ATP10D: variants seen among roughly 807,000 people sequenced by gnomAD.
The protein encoded by ATP10D is ATPase phospholipid transporting 10D (putative), also known as phospholipid-transporting ATPase VD.
ATP10D carries 89 observed loss-of-function variants against 144.8 expected under a neutral mutation model. The ratio of observed to expected loss-of-function variants is 0.61; its 90% CI spans 0.52 to 0.73. The LOEUF is 0.73. Ranked by LOEUF, ATP10D falls within the 30% of genes least tolerant of loss-of-function variation. ATP10D has a pLI of 0.00. For missense variants in ATP10D, 1,603 were observed against 1,714.8 expected, an observed-to-expected ratio of 0.93 and a Z score of 1.15; for synonymous variants, 571 against 615.1, an observed-to-expected ratio of 0.93 and a Z score of 1.06.
At chr4:47,569,268 C>T in intron 16 of ATP10D, 122 bp downstream of exon 16, 1 of 1,118,164 alleles carries the variant, frequency 8.9e-7, no homozygotes, top group East Asian at 2.6e-5. Context: ...TTCTCTACCA[C>T]ATTCATGCCT....
chr4:47,546,471 T>A (rs1309910575), intron 9 of ATP10D, among the ~76,000 whole-genome samples, 153 bp from the exon 10 acceptor site: 1 of 152,156 alleles, frequency 6.6e-6, no homozygotes. Flanking sequence ...ATAAGGTAAG[T>A]TCATTGACCA....
At chr4:47,542,882 A>G (rs921591229) in intron 9 of ATP10D, among the ~76,000 whole-genome samples, 14 of 152,220 alleles carry the variant, frequency 9.2e-5, no homozygotes, top group Admixed American at 8.5e-4. Context: ...TTTTCCCTAC[A>G]GTAATAGCTG....
intron 3 of ATP10D, among the ~76,000 whole-genome samples, chr4:47,518,366 A>T (rs1339294222): frequency 6.6e-6 from 1 of 152,206 alleles, no homozygotes; most frequent in African/African-American, 2.4e-5. Flanking sequence ...ATAAGCTATT[A>T]TAGAAAACCT....
At chr4:47,522,679 C>T (rs2109409993) in intron 3 of ATP10D, among the ~76,000 whole-genome samples, 1 of 152,292 alleles carries the variant, frequency 6.6e-6, no homozygotes, top group African/African-American at 2.4e-5. Flanking sequence ...AAGCGATTCT[C>T]CCGTCTCAGC....
intron 16 of ATP10D, among the ~76,000 whole-genome samples, chr4:47,571,841 TATC>T (rs1023017011): frequency 1.9e-4 from 29 of 152,178 alleles, no homozygotes; most frequent in African/African-American, 6.8e-4. Context: ...ACAGTGTTGT[TATC>T]ATGTGCGTGG....
chr4:47,511,244 T>C (rs1344476525), intron 1 of ATP10D, among the ~76,000 whole-genome samples: 1 of 152,202 alleles, frequency 6.6e-6, no homozygotes, highest in Non-Finnish European at 1.5e-5. Context: ...GATTTAGTTA[T>C]CTATAAATAA....
At chr4:47,531,838 A>T (rs1055218137) in intron 5 of ATP10D, among the ~76,000 whole-genome samples, 1 of 151,846 alleles carries the variant, frequency 6.6e-6, no homozygotes, top group Non-Finnish European at 1.5e-5. Flanking sequence ...GGGCACGCTG[A>T]CTCCCTGATG....
chr4:47,586,982 C>T (rs375061686), intron 21 of ATP10D, 37 bp from the exon 22 acceptor site: 1 of 1,579,594 alleles, frequency 6.3e-7, no homozygotes, highest in African/African-American at 1.3e-5. Context: ...GTATCAGTGA[C>T]AGAGCATTCA....
chr4:47,535,928 A>G lies in ATP10D; in HGVS notation c.910A>G (p.Asn304Asp). 1 of 1,612,926 alleles carries G rather than the reference A, an allele frequency of 6.2e-7. No individual in the cohort carries two copies. The highest frequency in any genetic ancestry group is 1.3e-5 in the African/African-American group (1 of 74,992). ...CCATGAAACCAAAGCAATGCTGAAC[A>G]ACAGTGGGCCACGGTATAAGCGCAG... ...AGHETKAMLN[N>D]SGPRYKRSKL... The change falls in exon 7 of 23, where the codon AAC becomes GAC. Residue 304 changes from asparagine to aspartate, a missense_variant. Asn to Asp is a conservative substitution (Grantham distance 23). Coordinates refer to ENST00000273859, the MANE Select transcript of ATP10D (RefSeq NM_020453.4).
chr4:47,527,000 A>G (rs567257555), intron 5 of ATP10D, among the ~76,000 whole-genome samples: 1 of 152,268 alleles, frequency 6.6e-6, no homozygotes, highest in East Asian at 1.9e-4. Flanking sequence ...AACTAAAGCA[A>G]TTTTGAAAAA....
chr4:47,516,000 C>T (rs577362393), intron 3 of ATP10D, among the ~76,000 whole-genome samples: 12 of 152,230 alleles, frequency 7.9e-5, no homozygotes, highest in East Asian at 5.8e-4. Flanking sequence ...GAGGCTGAGG[C>T]GGGTGGATCG....
At chr4:47,515,729 A>C (rs1716643808) in intron 3 of ATP10D, 59 bp downstream of exon 3, 1 of 1,375,014 alleles carries the variant, frequency 7.3e-7, no homozygotes, top group African/African-American at 1.4e-5. Context: ...AATATGCAGA[A>C]TGTTACTTTT....
intron 12 of ATP10D, 133 bp downstream of exon 12, chr4:47,558,406 T>C (rs1031828944): frequency 1.6e-6 from 2 of 1,263,538 alleles, no homozygotes; most frequent in Non-Finnish European, 2.2e-6. Flanking sequence ...AGGGGGAAGC[T>C]GCCTAGGATT....
Position 47,576,973 on chromosome 4 carries a change from G to A in ATP10D, c.3567G>A (p.Glu1189=). ...TTTACAGAAGTGGTCAGAAATCAGAGGTAGGTGTTAAAGCAAGAGTGCTTG... is the reference window on the plus strand; with the variant it reads ...TTTACAGAAGTGGTCAGAAATCAGAAGTAGGTGTTAAAGCAAGAGTGCTTG... ...PELYRSGQKS[E]AYLPHTFWIT... is the part of the protein sequence containing the mutation. The change falls in exon 19 of 23, where the codon GAG becomes GAA. Residue 1189 remains glutamate (E), a splice_region_variant and synonymous_variant. Transcript: ENST00000273859. The A allele has an allele frequency of 6.2e-7, 1 of 1,614,066 alleles. No homozygotes were observed. Among genetic ancestry groups the A allele is most frequent in the Middle Eastern group, 1.6e-4 (1 of 6,062 alleles).
intron 16 of ATP10D, among the ~76,000 whole-genome samples, chr4:47,571,466 G>T (rs1036509430): frequency 2.0e-5 from 3 of 151,994 alleles, no homozygotes; most frequent in Non-Finnish European, 2.9e-5. Flanking sequence ...TGGGACACTT[G>T]CTTACCTATA....
At chr4:47,582,692 TC>T (rs1246216586) in intron 21 of ATP10D, among the ~76,000 whole-genome samples, 1 of 152,106 alleles carries the variant, frequency 6.6e-6, no homozygotes, top group East Asian at 1.9e-4. Flanking sequence ...TAATTTGCAT[TC>T]CCCCTTGCAT....
intron 22 of ATP10D, among the ~76,000 whole-genome samples, chr4:47,588,929 C>T (rs1720909034): frequency 6.6e-6 from 1 of 152,144 alleles, no homozygotes; most frequent in African/African-American, 2.4e-5. Flanking sequence ...ATCCCTGTAA[C>T]CTGTAAATTT....
At chr4:47,586,892 T>C in intron 21 of ATP10D, 127 bp from the exon 22 acceptor site, 1 of 759,684 alleles carries the variant, frequency 1.3e-6, no homozygotes, top group Admixed American at 2.6e-5. Context: ...ATTTTGTTTA[T>C]TCAGGTTTGT....
chr4:47,529,970 G>A (rs1470977959), intron 5 of ATP10D, among the ~76,000 whole-genome samples: 1 of 152,126 alleles, frequency 6.6e-6, no homozygotes, highest in Non-Finnish European at 1.5e-5. Flanking sequence ...ATATAGAAAT[G>A]CTACTGATTT....
Sources: gnomAD v4.1 joint callset for allele counts (sites outside exome capture counted in the v4.1 genomes callset) on GRCh38, gnomAD v4.1.1 for gene constraint, MANE v1.5 for transcripts, NCBI Gene and HGNC (gene_info 2026-07-23, HGNC 2026-07-21) for gene names.